OVCH1: variants seen among roughly 807,000 people sequenced by gnomAD.
OVCH1 encodes ovochymase-1.
Under a neutral mutation model 138.4 loss-of-function variants are expected in OVCH1, and 139 were observed. That is an observed-to-expected ratio of 1.00 (90% CI 0.87 to 1.16). The LOEUF (loss-of-function observed/expected upper bound fraction) is 1.16. OVCH1 is among the 50% of genes most tolerant of loss of function. The pLI, the probability that OVCH1 is intolerant of heterozygous loss-of-function variation, is 0.00. For synonymous variants in OVCH1, 453 were observed against 467.8 expected (o/e 0.97, Z 0.41); for missense variants, 1,367 against 1,357.9 (o/e 1.01, Z -0.11).
chr12:29,462,048 A>G, intron 18 of OVCH1, 40 bp from the exon 19 acceptor site: 5 of 1,589,892 alleles, frequency 3.1e-6, no homozygotes, highest in Non-Finnish European at 4.3e-6. Context: ...ATGATGAAGT[A>G]AGCAGAAAGT....
rs753395453 is a variant in OVCH1, at chr12:29,464,656, A to AGT, written c.1974_1975dup (p.Leu659HisfsTer2). Reference sequence around the variant, plus strand: ...TAGGGCAATGTCAGAGTCATAACTTAGTGTGTTAAAGTCTTCATGCACTAT... The same window carrying AGT: ...TAGGGCAATGTCAGAGTCATAACTTAGTGTGTGTTAAAGTCTTCATGCACTAT... On this transcript the variant is annotated frameshift_variant, in exon 18 of 28. Transcript: ENST00000318184. LOFTEE classifies it high-confidence loss of function. 1 of 1,613,440 alleles carries AGT rather than the reference A, an allele frequency of 6.2e-7. No homozygotes were observed. Among genetic ancestry groups the AGT allele is most frequent in the Non-Finnish European group, 8.5e-7 (1 of 1,179,626 alleles).
chr12:29,496,372 A>G (rs144747815), intron 2 of OVCH1, 94 bp from the exon 3 acceptor site: 14 of 1,221,220 alleles, frequency 1.1e-5, no homozygotes, highest in African/African-American at 9.1e-5. Context: ...CTAATCTGAC[A>G]TAATATTCTT....
rs1439222141 is a variant in OVCH1 at position 29,473,025 on chromosome 12, T to C, written c.1675+4A>G. 6.2e-7 allele frequency: 1 copy of C among 1,605,114 alleles called. No homozygotes were observed. The highest frequency in any genetic ancestry group is 8.5e-7 in the Non-Finnish European group (1 of 1,173,768). ...CAGATAGTAATAACATGTCACCAAC[T>C]CACCATGCAGAATAGCTTTTACGGT... On this transcript the variant is annotated splice_donor_region_variant and intron_variant, in intron 15 of 27. Transcript: ENST00000318184.
chr12:29,465,839 A>G (rs1266981224), intron 16 of OVCH1, among the ~76,000 whole-genome samples: 2 of 152,064 alleles, frequency 1.3e-5, no homozygotes, highest in Non-Finnish European at 2.9e-5. Flanking sequence ...AAAGACTTGG[A>G]ACCAACCCAA....
the OVCH1 span, among the ~76,000 whole-genome samples, chr12:29,404,728 A>C: frequency 2.6e-5 from 4 of 152,192 alleles, no homozygotes; most frequent in African/African-American, 9.7e-5. Context: ...CAGCTGAATC[A>C]TAAGAAATGA....
At chr12:29,433,247 C>T (rs1486855982) in intron 27 of OVCH1, among the ~76,000 whole-genome samples, 3 of 152,024 alleles carry the variant, frequency 2.0e-5, no homozygotes, top group Admixed American at 6.6e-5. Flanking sequence ...GGGAGGGACC[C>T]GGTAGGAGGT....
At chr12:29,463,057 T>C (rs991723617) in intron 18 of OVCH1, among the ~76,000 whole-genome samples, 1 of 152,130 alleles carries the variant, frequency 6.6e-6, no homozygotes, top group Non-Finnish European at 1.5e-5. Context: ...GCAGGCACAT[T>C]TATTCAAGGG....
At chr12:29,418,193 T>C (rs1941057595) in intron 3 of OVCH1, among the ~76,000 whole-genome samples, 1 of 152,196 alleles carries the variant, frequency 6.6e-6, no homozygotes, top group Non-Finnish European at 1.5e-5. Flanking sequence ...CTGCCCAAGA[T>C]TGCATGACTA....
chr12:29,407,582 G>A (rs1470914077), downstream of OVCH1, among the ~76,000 whole-genome samples: 6 of 151,276 alleles, frequency 4.0e-5, no homozygotes, highest in African/African-American at 1.2e-4. Flanking sequence ...CCCATTGCTT[G>A]TTTTTGTCAG....
At chr12:29,488,975 A>G (rs1943199558) in intron 6 of OVCH1, among the ~76,000 whole-genome samples, 1 of 146,674 alleles carries the variant, frequency 6.8e-6, no homozygotes, top group African/African-American at 2.5e-5. Flanking sequence ...AATTTCAGAG[A>G]GCTTCCCTCA....
chr12:29,426,725 G>A (rs75112420), downstream of OVCH1, among the ~76,000 whole-genome samples: 470 of 152,166 alleles, frequency 3.1e-3, 4 homozygotes, highest in African/African-American at 0.011. Context: ...TCTATCTCCA[G>A]ATCTGTCTAC....
At chr12:29,480,080 C>A (rs1300276380) in intron 8 of OVCH1, among the ~76,000 whole-genome samples, 1 of 152,086 alleles carries the variant, frequency 6.6e-6, no homozygotes, top group Non-Finnish European at 1.5e-5. Context: ...CCTCAGCTTC[C>A]CAAAGTGCTG....
rs573732382 is a variant in OVCH1, at chr12:29,487,982, G to A, written c.703-100C>T. 1.3e-5 allele frequency: 16 copies of A among 1,204,864 alleles called. No homozygotes were observed. The South Asian group carries it at 2.2e-4, about 16-fold the overall frequency. 74.6% of individuals were successfully genotyped at this position (1,204,864 alleles called of 1,614,324 possible). ...AGCACTCATCACAAAGTGAAAAGAG[G>A]TAGAGGCAAAGAAGTCCACTAGTCA... On this transcript the variant is annotated intron_variant, in intron 6 of 27. Transcript: ENST00000318184.
intron 19 of OVCH1, 87 bp from the exon 20 acceptor site, chr12:29,455,492 G>T: frequency 2.2e-6 from 3 of 1,366,876 alleles, no homozygotes; most frequent in South Asian, 1.6e-5. Context: ...GACCAATAAT[G>T]TATTTGTAAT....
chr12:29,494,226 C>A (rs1943350418), intron 4 of OVCH1, among the ~76,000 whole-genome samples: 1 of 152,330 alleles, frequency 6.6e-6, no homozygotes, highest in African/African-American at 2.4e-5. Context: ...CAGCTCCTCT[C>A]ATGGCCAGGT....
At chr12:29,404,500 C>T in the OVCH1 span, among the ~76,000 whole-genome samples, 3 of 152,100 alleles carry the variant, frequency 2.0e-5, no homozygotes, top group Admixed American at 6.6e-5. Context: ...TGGGCTGATG[C>T]AACAGATCTC....
chr12:29,439,268 G>A (rs1442027913), intron 26 of OVCH1: 3 of 1,327,838 alleles, frequency 2.3e-6, no homozygotes, highest in South Asian at 4.7e-5. Context: ...CTTATTTATT[G>A]TTCTTTTTGT....
intron 18 of OVCH1, chr12:29,464,265 C>A: frequency 1.9e-6 from 1 of 536,496 alleles, no homozygotes; most frequent in Non-Finnish European, 3.3e-6. Context: ...TTATCTGGCC[C>A]ATTACAGTAA....
At chr12:29,444,254 G>A in exon 24 of OVCH1, 2 of 1,612,166 alleles carry the variant, frequency 1.2e-6, no homozygotes, top group Non-Finnish European at 1.7e-6. Context: ...CTTTGGGAAA[G>A]TCTGGTTATT....
Sources: allele counts gnomAD v4.1 joint callset (sites outside exome capture counted in the v4.1 genomes callset), GRCh38; gene constraint gnomAD v4.1.1; transcripts MANE v1.5; gene names NCBI Gene and HGNC (gene_info 2026-07-23, HGNC 2026-07-21).